The following USP6NL variants were observed in gnomAD, a reference collection of about 807,000 sequenced individuals.
The protein encoded by USP6NL is USP6 N-terminal like, also known as USP6 N-terminal-like protein.
Under a neutral mutation model 61.9 loss-of-function variants are expected in USP6NL, and 26 were observed. The ratio of observed to expected loss-of-function variants is 0.42; its 90% confidence interval spans 0.31 to 0.58. The LOEUF (loss-of-function observed/expected upper bound fraction) is 0.58, where lower values mean the gene tolerates loss of function less well. Among genes scored for constraint, USP6NL ranks in the 20% least tolerant of loss-of-function variants. The probability of loss-of-function intolerance (pLI) is 0.16; values close to 1 mark genes in which losing one functional copy is unlikely to be tolerated. For synonymous variants in USP6NL, 432 were observed against 390.1 expected, an observed-to-expected ratio of 1.11 and a Z score of -1.27; for missense variants, 1,114 against 1,034.3, an observed-to-expected ratio of 1.08 and a Z score of -1.06.
At position 11,606,884 on chromosome 10, in the gene USP6NL, G is replaced by A. The variant is rs185984932; in HGVS notation, c.-84+4559C>T. Among the ~76,000 whole-genome samples, 238 of 150,172 alleles carry A rather than the reference G, an allele frequency of 1.6e-3. 1 individual carries two copies. The highest frequency in any genetic ancestry group is 5.5e-3 in the African/African-American group (224 of 40,764). On this transcript the variant is annotated intron_variant, in intron 1 of 14. Coordinates refer to ENST00000609104, the MANE Select transcript of USP6NL (RefSeq NM_014688.5). ...CGGCTCAGTGCAACCTCCATCTCTC[G>A]GGTTCAAGTGATTGTTGTGCCTCAG... is the stretch of plus-strand genomic sequence containing the variant.
intron 14 of USP6NL, among the ~76,000 whole-genome samples, chr10:11,479,404 A>G (rs1275934645): frequency 2.6e-5 from 4 of 152,182 alleles, no homozygotes; most frequent in Non-Finnish European, 5.9e-5. Context: ...CAATCAGAAC[A>G]ACAATGGAAG....
chr10:11,601,504 C>G (rs1838530578), intron 1 of USP6NL, among the ~76,000 whole-genome samples: 1 of 152,062 alleles, frequency 6.6e-6, no homozygotes, highest in Non-Finnish European at 1.5e-5. Context: ...TTATGTCAGT[C>G]TTTATGTAAC....
intron 13 of USP6NL, among the ~76,000 whole-genome samples, chr10:11,483,172 G>A (rs1453409358): frequency 3.3e-5 from 5 of 152,202 alleles, no homozygotes; most frequent in East Asian, 3.9e-4. Context: ...TGGTGGAGAC[G>A]GAACTTCACG....
At chr10:11,556,992 G>A (rs139009419) in intron 2 of USP6NL, among the ~76,000 whole-genome samples, 15 of 152,154 alleles carry the variant, frequency 9.9e-5, no homozygotes, top group African/African-American at 3.4e-4. Flanking sequence ...TGACCACTTC[G>A]CTTTGGATCA....
chr10:11,502,738 G>C (rs1834256113), intron 6 of USP6NL, among the ~76,000 whole-genome samples: 1 of 152,120 alleles, frequency 6.6e-6, no homozygotes, highest in Middle Eastern at 3.2e-3. Context: ...TGACAAAGAT[G>C]AACAACTTTT....
At position 11,525,906 on chromosome 10, in the gene USP6NL, C is replaced by T. The variant is rs149514541; in HGVS notation, c.73-438G>A. ...AGAAGCAGGCAGAGAAGCTCCTCGT[C>T]TAGTTCTTTACTTCACAGCTATGCC... On this transcript the variant is annotated intron_variant, in intron 3 of 14. Transcript: ENST00000609104. The surrounding 1 kb of genome is among the most constrained non-coding windows in gnomAD (Gnocchi z 5.0). Among the ~76,000 whole-genome samples, 111 of 152,340 alleles carry T rather than the reference C, an allele frequency of 7.3e-4. No individual in the cohort carries two copies. Among genetic ancestry groups the T allele is most frequent in the African/African-American group, 2.5e-3 (103 of 41,586 alleles).
At chr10:11,531,105 A>C (rs1438964747) in intron 2 of USP6NL, among the ~76,000 whole-genome samples, 2 of 152,224 alleles carry the variant, frequency 1.3e-5, no homozygotes, top group Non-Finnish European at 1.5e-5. Context: ...ACATTATCCC[A>C]AAAATTCACA....
chr10:11,477,785 A>G (rs1461957244), intron 14 of USP6NL, among the ~76,000 whole-genome samples: 1 of 152,242 alleles, frequency 6.6e-6, no homozygotes, highest in African/African-American at 2.4e-5. Flanking sequence ...ATCATTCACC[A>G]CTAGGAGGTA....
Position 11,597,559 on chromosome 10 carries a change from T to G in USP6NL, c.4+72A>C. Reference sequence around the variant, plus strand: ...TAATTCCAATTTATTCAGTAACATGTTTTTCTTCTCCTAAGCACAATACAG... The same window carrying G: ...TAATTCCAATTTATTCAGTAACATGGTTTTCTTCTCCTAAGCACAATACAG... On this transcript the variant is annotated intron_variant, in intron 2 of 14. Transcript: ENST00000609104. This position sits in a 1 kb window ranked among gnomAD's most constrained non-coding sequence, Gnocchi z 4.6. The G allele has an allele frequency of 6.7e-7, 1 of 1,483,110 alleles. No individual in the cohort carries two copies. Among genetic ancestry groups the G allele is most frequent in the Non-Finnish European group, 9.2e-7 (1 of 1,084,714 alleles). 91.9% of individuals were successfully genotyped at this position (1,483,110 alleles called of 1,614,324 possible).
intron 2 of USP6NL, among the ~76,000 whole-genome samples, chr10:11,560,937 AC>A (rs1301234931): frequency 9.9e-5 from 15 of 151,998 alleles, no homozygotes; most frequent in Non-Finnish European, 1.5e-5. Context: ...AAGCAGATAC[AC>A]TAATAATGTA....
chr10:11,479,254 T>C (rs772085230), intron 14 of USP6NL, among the ~76,000 whole-genome samples: 2 of 152,086 alleles, frequency 1.3e-5, no homozygotes, highest in African/African-American at 2.4e-5. Context: ...CTGCAACACA[T>C]AATAAACTGG....
Position 11,525,779 on chromosome 10 carries a change from G to A in USP6NL, c.73-311C>T, listed in dbSNP as rs1449602306. On this transcript the variant is annotated intron_variant, in intron 3 of 14. Coordinates refer to ENST00000609104, the MANE Select transcript of USP6NL (RefSeq NM_014688.5). The surrounding 1 kb of genome is among the most constrained non-coding windows in gnomAD (Gnocchi z 5.0). ...GAGGAAAGAAGAGCGATGGGGATGA[G>A]AAAGCCACTCCAGAAGAAACTGCCG... Among the ~76,000 whole-genome samples, 1 of 152,186 alleles carries A rather than the reference G, an allele frequency of 6.6e-6. No homozygotes were observed. Among genetic ancestry groups the A allele is most frequent in the Non-Finnish European group, 1.5e-5 (1 of 68,032 alleles).
chr10:11,588,547 T>C (rs1838054225), intron 2 of USP6NL, among the ~76,000 whole-genome samples: 1 of 152,074 alleles, frequency 6.6e-6, no homozygotes, highest in African/African-American at 2.4e-5. Context: ...AAAAATAAAG[T>C]TGGACTGGTT....
At chr10:11,610,592 AAGC>A (rs1469399006) in intron 1 of USP6NL, among the ~76,000 whole-genome samples, 1 of 151,980 alleles carries the variant, frequency 6.6e-6, no homozygotes, top group East Asian at 1.9e-4. Flanking sequence ...TTCTTTCAAC[AAGC>A]AACATACTTA....
At position 11,470,480 on chromosome 10, in the gene USP6NL, C is replaced by T. The variant is rs1006327045; in HGVS notation, c.1079-6631G>A. ...CTGAACTGAAAACACATCATGCAGA[C>T]CCTGTAAGAAGGACGAATGCCATCA... On this transcript the variant is annotated intron_variant, in intron 14 of 14. Coordinates refer to ENST00000609104, the MANE Select transcript of USP6NL (RefSeq NM_014688.5). This position sits in a 1 kb window ranked among gnomAD's most constrained non-coding sequence, Gnocchi z 5.4. Among the ~76,000 whole-genome samples the T allele has an allele frequency of 6.6e-6, 1 of 152,178 alleles. No homozygotes were observed. Among genetic ancestry groups the T allele is most frequent in the South Asian group, 2.1e-4 (1 of 4,822 alleles).
Position 11,597,226 on chromosome 10 carries a change from GT to G in USP6NL, c.4+404del, listed in dbSNP as rs1564242219. ...CAGAGACATTGATAGATTGTTAGGG[GT>G]TTTTTTTCCCTTAAATACAATATAA... On this transcript the variant is annotated intron_variant, in intron 2 of 14. Coordinates refer to ENST00000609104, the MANE Select transcript of USP6NL (RefSeq NM_014688.5). This position sits in a 1 kb window ranked among gnomAD's most constrained non-coding sequence, Gnocchi z 4.6. Among the ~76,000 whole-genome samples, 2 of 151,850 alleles carry G rather than the reference GT, an allele frequency of 1.3e-5. No homozygotes were observed. Among genetic ancestry groups the G allele is most frequent in the Admixed American group, 6.6e-5 (1 of 15,254 alleles).
At position 11,525,347 on chromosome 10, in the gene USP6NL, T is replaced by C. The variant is rs761152066; in HGVS notation, c.155+39A>G. ...ATATAATAGGTGACCACAGAAACGT[T>C]ATAATCTAAAAAGCAAGCTTTCAAT... On this transcript the variant is annotated intron_variant, in intron 4 of 14. Transcript: ENST00000609104. This position sits in a 1 kb window ranked among gnomAD's most constrained non-coding sequence, Gnocchi z 5.0. 5.9e-6 allele frequency: 9 copies of C among 1,517,448 alleles called. No homozygotes were observed. The Admixed American group carries it at 1.9e-4, about 32-fold the overall frequency. The allele number at this position is 1,517,448 out of a possible 1,614,324, so 94.0% of individuals were successfully genotyped here.
At position 11,481,860 on chromosome 10, in the gene USP6NL, C is replaced by A. The variant is rs1242492205; in HGVS notation, c.988G>T (p.Asp330Tyr). ...ACAAAATCATCTTCAAAGAAAAAATCCTTTGCCAGGGTCTCCTGAAAAAAT... is the reference window on the plus strand; with the variant it reads ...ACAAAATCATCTTCAAAGAAAAAATACTTTGCCAGGGTCTCCTGAAAAAAT... ...VEFFQETLAK[D>Y]FFFEDDFVIE... Residue 330 changes from aspartate (D) to tyrosine (Y), a missense_variant, in exon 14 of 15, where the codon GAT becomes TAT. Physicochemically the swap from Asp to Tyr is radical, Grantham distance 160 (BLOSUM62 -3). Coordinates refer to ENST00000609104, the MANE Select transcript of USP6NL (RefSeq NM_014688.5). This position sits in a 1 kb window ranked among gnomAD's most constrained non-coding sequence, Gnocchi z 4.4. The A allele has an allele frequency of 1.2e-6, 2 of 1,612,518 alleles. No individual in the cohort carries two copies. Among genetic ancestry groups the A allele is most frequent in the South Asian group, 1.1e-5 (1 of 90,792 alleles).
In USP6NL at chr10:11,485,868, T is replaced by C. The variant is rs756259541; in HGVS notation, c.708A>G (p.Glu236=). The C allele has an allele frequency of 6.4e-7, 1 of 1,556,652 alleles. No individual in the cohort carries two copies. Among genetic ancestry groups the C allele is most frequent in the South Asian group, 1.2e-5 (1 of 83,548 alleles). The change falls in exon 11 of 15, where the codon GAA becomes GAG. Residue 236 remains glutamate (E), a synonymous_variant. Transcript: ENST00000609104. This position sits in a 1 kb window ranked among gnomAD's most constrained non-coding sequence, Gnocchi z 4.8. The part of the protein sequence containing the change: ...QGFPKLLRFQ[E]HHEKILNKFL... ...ATTTGTTCAGTATTTTTTCATGATGTTCTTGAAACCTCAAGAGTTTAGGAA... is the reference window on the plus strand; with the variant it reads ...ATTTGTTCAGTATTTTTTCATGATGCTCTTGAAACCTCAAGAGTTTAGGAA...
Sources: gnomAD v4.1 joint callset for allele counts (sites outside exome capture counted in the v4.1 genomes callset) on GRCh38, gnomAD v4.1.1 for gene constraint, Gnocchi (gnomAD v3.1) non-coding constraint, MANE v1.5 for transcripts, NCBI Gene and HGNC (gene_info 2026-07-23, HGNC 2026-07-21) for gene names.